Variants in KIRREL3 observed in about 807,000 individuals in gnomAD.
KIRREL3 encodes kin of IRRE-like protein 3.
In KIRREL3, 36 loss-of-function variants were observed where a neutral mutation model predicts 89.7. The ratio of observed to expected loss-of-function variants is 0.40; its 90% CI spans 0.31 to 0.53. The LOEUF is 0.53. Among genes scored for constraint, KIRREL3 ranks in the 20% least tolerant of loss-of-function variants. The pLI, the probability that KIRREL3 is intolerant of heterozygous loss-of-function variation, is 0.49. For missense variants in KIRREL3, 864 were observed against 1,056.6 expected (o/e 0.82, Z 2.53); for synonymous variants, 445 against 441.4 (o/e 1.01, Z -0.10).
At chr11:126,482,774 G>A (rs1386716088) in intron 4 of KIRREL3, among the ~76,000 whole-genome samples, 2 of 152,204 alleles carry the variant, frequency 1.3e-5, no homozygotes, top group Non-Finnish European at 2.9e-5. Context: ...TGCCTGGCTT[G>A]GCATCCCCTC....
At chr11:126,699,725 T>C (rs1947239070) in intron 1 of KIRREL3, among the ~76,000 whole-genome samples, 1 of 152,214 alleles carries the variant, frequency 6.6e-6, no homozygotes, top group African/African-American at 2.4e-5. Context: ...TCAGATGGTA[T>C]AGAGCCAGAG....
At chr11:126,718,193 T>A (rs928728069) in intron 1 of KIRREL3, among the ~76,000 whole-genome samples, 2 of 152,160 alleles carry the variant, frequency 1.3e-5, no homozygotes, top group Non-Finnish European at 2.9e-5. Context: ...ATTTCTGCCC[T>A]CTGCCTCAGG....
chr11:126,512,318 A>AC (rs1958251355), intron 4 of KIRREL3, among the ~76,000 whole-genome samples: 1 of 152,230 alleles, frequency 6.6e-6, no homozygotes, highest in African/African-American at 2.4e-5. Context: ...ACCTGCGTGC[A>AC]CCAGCGCATT....
chr11:126,551,580 T>C lies in KIRREL3; in HGVS notation c.133+11255A>G, dbSNP rs1230569884. 6.6e-6 allele frequency among the ~76,000 whole-genome samples: 1 copy of C among 151,718 alleles called. No homozygotes were observed. The highest frequency in any genetic ancestry group is 1.5e-5 in the Non-Finnish European group (1 of 67,976). On this transcript the variant is annotated intron_variant, in intron 2 of 16. Coordinates refer to ENST00000525144, the MANE Select transcript of KIRREL3 (RefSeq NM_032531.4). This position sits in a 1 kb window ranked among gnomAD's most constrained non-coding sequence, Gnocchi z 4.9. ...CCTTACAGCAAAAGAATATATATGATCATTTAACAATTAGTCCAGTGCACT... is the reference window on the plus strand; with the variant it reads ...CCTTACAGCAAAAGAATATATATGACCATTTAACAATTAGTCCAGTGCACT...
At position 126,463,411 on chromosome 11, in the gene KIRREL3, T is replaced by C; in HGVS notation, c.592-104A>G. Reference sequence around the variant, plus strand: ...CACCAGCTTAGACAGAAGGGGGAGCTGTGGATGGAGGGGTTCAGCTTAGGA... The same window carrying C: ...CACCAGCTTAGACAGAAGGGGGAGCCGTGGATGGAGGGGTTCAGCTTAGGA... On this transcript the variant is annotated intron_variant, in intron 5 of 16. Coordinates refer to ENST00000525144, the MANE Select transcript of KIRREL3 (RefSeq NM_032531.4). This position sits in a 1 kb window ranked among gnomAD's most constrained non-coding sequence, Gnocchi z 5.9. 8.4e-7 allele frequency: 1 copy of C among 1,195,396 alleles called. No individual in the cohort carries two copies. The highest frequency in any genetic ancestry group is 1.2e-6 in the Non-Finnish European group (1 of 850,058). The allele number at this position is 1,195,396 out of a possible 1,614,324, so 74.0% of individuals were successfully genotyped here. A position where few individuals can be genotyped will look rare whatever the true frequency, so the allele number is the denominator to read the frequency against.
rs374108833 is a variant in KIRREL3, at chr11:126,642,101, G to A, written c.56-79189C>T. 7.2e-5 allele frequency among the ~76,000 whole-genome samples: 11 copies of A among 152,232 alleles called. No homozygotes were observed. The highest frequency in any genetic ancestry group is 3.8e-4 in the East Asian group (2 of 5,200). ...CTGGGCTGTTCACAGAGAGCCAGAG[G>A]CCCCTTTGGAAAGGGTGGATCTCCA... On this transcript the variant is annotated intron_variant, in intron 1 of 16. Transcript: ENST00000525144. The surrounding 1 kb of genome is among the most constrained non-coding windows in gnomAD (Gnocchi z 4.9).
rs889203593 is a variant in KIRREL3, at chr11:126,736,059, C to A, written c.56-173147G>T. On this transcript the variant is annotated intron_variant, in intron 1 of 16. Transcript: ENST00000525144. The surrounding 1 kb of genome is among the most constrained non-coding windows in gnomAD (Gnocchi z 5.0). ...TTTTATGAAACTGCCTAGCGTAGTG[C>A]CTAGCAGAGAGTACATGTTGAATAC... is the stretch of plus-strand genomic sequence containing the variant. Among the ~76,000 whole-genome samples the A allele has an allele frequency of 6.6e-6, 1 of 152,162 alleles. No homozygotes were observed. The highest frequency in any genetic ancestry group is 1.5e-5 in the Non-Finnish European group (1 of 68,032).
chr11:126,611,489 G>A lies in KIRREL3; in HGVS notation c.56-48577C>T, dbSNP rs1291219642. On this transcript the variant is annotated intron_variant, in intron 1 of 16. Transcript: ENST00000525144. The surrounding 1 kb of genome is among the most constrained non-coding windows in gnomAD (Gnocchi z 4.7). ...TTCCTCCTTCATACTGGACTTTGAG[G>A]ACAACGTTTTCATGTTTCACATTTC... 2.0e-5 allele frequency among the ~76,000 whole-genome samples: 3 copies of A among 152,170 alleles called. No individual in the cohort carries two copies. Among genetic ancestry groups the A allele is most frequent in the Admixed American group, 2.0e-4 (3 of 15,288 alleles).
intron 4 of KIRREL3, among the ~76,000 whole-genome samples, chr11:126,514,766 C>T (rs55813628): frequency 0.12 from 17,666 of 152,150 alleles, 1,236 homozygotes; most frequent in Middle Eastern, 0.16. Context: ...GTTTCAAGTG[C>T]GGGCAATCTG....
chr11:126,476,794 C>T lies in KIRREL3; in HGVS notation c.434-3328G>A, dbSNP rs570049056. 2.0e-5 allele frequency among the ~76,000 whole-genome samples: 3 copies of T among 152,238 alleles called. No homozygotes were observed. Among genetic ancestry groups the T allele is most frequent in the Admixed American group, 1.3e-4 (2 of 15,300 alleles). On this transcript the variant is annotated intron_variant, in intron 4 of 16. Coordinates refer to ENST00000525144, the MANE Select transcript of KIRREL3 (RefSeq NM_032531.4). This position sits in a 1 kb window ranked among gnomAD's most constrained non-coding sequence, Gnocchi z 6.4. ...TCCTCATTACCTCCCCATTCAGACT[C>T]GGCCAGGCTGGGCCAGGCAGTGGCG...
chr11:126,982,780 G>T (rs1218164375), intron 1 of KIRREL3, among the ~76,000 whole-genome samples: 1 of 152,162 alleles, frequency 6.6e-6, no homozygotes, highest in African/African-American at 2.4e-5. Flanking sequence ...ATGGACAAAC[G>T]CAGGGTCCAT....
chr11:126,660,389 G>A (rs1236677733), intron 1 of KIRREL3, among the ~76,000 whole-genome samples: 2 of 152,188 alleles, frequency 1.3e-5, no homozygotes, highest in Non-Finnish European at 2.9e-5. Flanking sequence ...TGAGACGTAG[G>A]CACATGTTCA....
chr11:126,923,187 C>CTTCTCT (rs1555090325), intron 1 of KIRREL3, among the ~76,000 whole-genome samples: 2 of 23,846 alleles, frequency 8.4e-5, no homozygotes, highest in Non-Finnish European at 7.4e-5. Flanking sequence ...TCTTCTTCTT[C>CTTCTCT]TCTTCTTCTT....
chr11:126,433,131 A>C (rs566499406), intron 13 of KIRREL3, among the ~76,000 whole-genome samples: 1 of 152,306 alleles, frequency 6.6e-6, no homozygotes, highest in African/African-American at 2.4e-5. Flanking sequence ...CGCCCGCCTC[A>C]GCCTCCGAAA....
intron 1 of KIRREL3, among the ~76,000 whole-genome samples, chr11:126,964,690 C>T (rs1038428103): frequency 6.6e-6 from 1 of 152,110 alleles, no homozygotes; most frequent in Admixed American, 6.6e-5. Context: ...AGACTCAGAA[C>T]GAAGGCAGCA....
Position 126,897,232 on chromosome 11 carries a change from C to T in KIRREL3, c.55+103223G>A, listed in dbSNP as rs565339944. ...CAGGACACCAGGTTGGTGGCAGAACCTGCTGAGTGTTTTCCCAGGCTGGCG... is the reference window on the plus strand; with the variant it reads ...CAGGACACCAGGTTGGTGGCAGAACTTGCTGAGTGTTTTCCCAGGCTGGCG... On this transcript the variant is annotated intron_variant, in intron 1 of 16. Coordinates refer to ENST00000525144, the MANE Select transcript of KIRREL3 (RefSeq NM_032531.4). This position sits in a 1 kb window ranked among gnomAD's most constrained non-coding sequence, Gnocchi z 4.2. Among the ~76,000 whole-genome samples the T allele has an allele frequency of 6.6e-6, 1 of 152,236 alleles. No individual in the cohort carries two copies. Among genetic ancestry groups the T allele is most frequent in the African/African-American group, 2.4e-5 (1 of 41,558 alleles).
intron 1 of KIRREL3, among the ~76,000 whole-genome samples, chr11:126,646,750 C>T (rs930154060): frequency 3.3e-5 from 5 of 152,156 alleles, no homozygotes; most frequent in Admixed American, 2.6e-4. Context: ...GCTGGGATTA[C>T]AGGAGTGAGC....
intron 2 of KIRREL3, among the ~76,000 whole-genome samples, chr11:126,534,806 G>A (rs1322832194): frequency 6.6e-6 from 1 of 152,208 alleles, no homozygotes; most frequent in Non-Finnish European, 1.5e-5. Context: ...GTGGGAGCAG[G>A]AGGTCGAGGT....
At position 126,704,689 on chromosome 11, in the gene KIRREL3, G is replaced by A. The variant is rs913598195; in HGVS notation, c.56-141777C>T. On this transcript the variant is annotated intron_variant, in intron 1 of 16. Transcript: ENST00000525144. This position sits in a 1 kb window ranked among gnomAD's most constrained non-coding sequence, Gnocchi z 4.2. ...AAGTGAGGAAGTCTGAGTCTCTCCT[G>A]ATGCCCACGCTTCCAGGATGGCTCC... Among the ~76,000 whole-genome samples the A allele has an allele frequency of 3.3e-5, 5 of 152,220 alleles. No homozygotes were observed. Among genetic ancestry groups the A allele is most frequent in the African/African-American group, 1.2e-4 (5 of 41,450 alleles).
Sources: allele counts gnomAD v4.1 joint callset (sites outside exome capture counted in the v4.1 genomes callset), GRCh38; gene constraint gnomAD v4.1.1; non-coding constraint Gnocchi (gnomAD v3.1); transcripts MANE v1.5; gene names NCBI Gene and HGNC (gene_info 2026-07-23, HGNC 2026-07-21).